Variants in VPS13B observed in about 807,000 individuals in gnomAD.
The protein encoded by VPS13B is intermembrane lipid transfer protein VPS13B.
Under a neutral mutation model 426.4 loss-of-function variants are expected in VPS13B, and 285 were observed. The ratio of observed to expected loss-of-function variants is 0.67; its 90% CI spans 0.61 to 0.74. The LOEUF is 0.74. Ranked by LOEUF, VPS13B falls within the 30% of genes least tolerant of loss-of-function variation. The probability of loss-of-function intolerance (pLI) is 0.00; values close to 1 mark genes in which losing one functional copy is unlikely to be tolerated. For missense variants in VPS13B, 4,537 were observed against 4,782.6 expected (o/e 0.95, Z 1.51); for synonymous variants, 1,676 against 1,676.4 (o/e 1.00, Z 0.01).
At chr8:99,652,141 G>T (rs924020469) in intron 34 of VPS13B, among the ~76,000 whole-genome samples, 1 of 152,082 alleles carries the variant, frequency 6.6e-6, no homozygotes, top group African/African-American at 2.4e-5. Context: ...TTTTATAAAT[G>T]CCAAAGGTCT....
chr8:99,228,913 G>A (rs912358199), intron 17 of VPS13B, among the ~76,000 whole-genome samples: 2 of 152,158 alleles, frequency 1.3e-5, no homozygotes, highest in African/African-American at 2.4e-5. Flanking sequence ...GGGTGTGTGT[G>A]TCTGTGTGTG....
At chr8:99,096,211 T>A (rs1230210497) in intron 3 of VPS13B, 101 bp from the exon 4 acceptor site, 4 of 1,328,044 alleles carry the variant, frequency 3.0e-6, no homozygotes, top group Admixed American at 2.3e-5. Flanking sequence ...GTTGATCTTA[T>A]CTCCTGTAGC....
intron 58 of VPS13B, among the ~76,000 whole-genome samples, chr8:99,865,192 C>G (rs778212078): frequency 1.3e-5 from 2 of 152,192 alleles, no homozygotes; most frequent in African/African-American, 2.4e-5. Flanking sequence ...TTGGCATCAG[C>G]CTTGCCCACA....
Position 99,818,551 on chromosome 8 carries a change from T to A in VPS13B, c.8445+17T>A. Reference sequence around the variant, plus strand: ...CAACGAATGGTGAGTGCTTTCCCAATCCTAAAATATGGTATATGACTCTGA... The same window carrying A: ...CAACGAATGGTGAGTGCTTTCCCAAACCTAAAATATGGTATATGACTCTGA... On this transcript the variant is annotated intron_variant, in intron 46 of 61. Transcript: ENST00000357162. 1 of 1,613,214 alleles carries A rather than the reference T, an allele frequency of 6.2e-7. No individual in the cohort carries two copies. Among genetic ancestry groups the A allele is most frequent in the Non-Finnish European group, 8.5e-7 (1 of 1,179,210 alleles).
At position 99,652,387 on chromosome 8, in the gene VPS13B, A is replaced by G. The variant is rs1219617317; in HGVS notation, c.5909-8967A>G. 1.3e-5 allele frequency among the ~76,000 whole-genome samples: 2 copies of G among 152,180 alleles called. 1 individual carries two copies. ...CGAAGTTCTTAGCTAAGTGTATGGC[A>G]CAAGGCTCAATGACTATTAATAAAT... On this transcript the variant is annotated intron_variant, in intron 34 of 61. Transcript: ENST00000357162.
chr8:99,853,379 C>T, intron 55 of VPS13B, 72 bp from the exon 56 acceptor site: 1 of 1,520,222 alleles, frequency 6.6e-7, no homozygotes, highest in Non-Finnish European at 9.1e-7. Context: ...AGGGTACTGT[C>T]AATAAAAAAG....
At chr8:99,413,586 C>G (rs149705178) in intron 21 of VPS13B, among the ~76,000 whole-genome samples, 56 of 152,264 alleles carry the variant, frequency 3.7e-4, no homozygotes, top group African/African-American at 1.3e-3. Flanking sequence ...AAATTTCCCT[C>G]TAAACACTGC....
At chr8:99,653,509 G>C (rs1483076729) in intron 34 of VPS13B, among the ~76,000 whole-genome samples, 1 of 140,056 alleles carries the variant, frequency 7.1e-6, no homozygotes, top group Non-Finnish European at 1.5e-5. Flanking sequence ...GTGCTTACTT[G>C]TGCTGAATTT....
At chr8:99,765,912 C>T (rs532167676) in intron 39 of VPS13B, among the ~76,000 whole-genome samples, 102 of 152,014 alleles carry the variant, frequency 6.7e-4, no homozygotes, top group Non-Finnish European at 1.3e-3. Flanking sequence ...CTTACACTTT[C>T]ACTTCTTAGC....
chr8:99,637,899 T>C (rs772424182), intron 33 of VPS13B, among the ~76,000 whole-genome samples: 1 of 152,136 alleles, frequency 6.6e-6, no homozygotes, highest in African/African-American at 2.4e-5. Flanking sequence ...TGATTGGAGT[T>C]TGCCATGGAA....
At chr8:99,661,955 T>A (rs1830244878) in intron 35 of VPS13B, among the ~76,000 whole-genome samples, 1 of 152,192 alleles carries the variant, frequency 6.6e-6, no homozygotes, top group Non-Finnish European at 1.5e-5. Flanking sequence ...CTTAGCAAAG[T>A]GCTTGAAACA....
At chr8:99,722,508 C>CTT (rs796198914) in intron 39 of VPS13B, among the ~76,000 whole-genome samples, 21 of 138,962 alleles carry the variant, frequency 1.5e-4, no homozygotes, top group Admixed American at 2.2e-4. Context: ...TATGTAATTC[C>CTT]TTTTTTTTTT....
intron 56 of VPS13B, 117 bp downstream of exon 56, chr8:99,854,373 G>A (rs934379962): frequency 3.3e-5 from 37 of 1,121,764 alleles, no homozygotes; most frequent in Non-Finnish European, 4.5e-5. Context: ...TGACACACCT[G>A]AGCTCTACAG....
chr8:99,875,237 C>T, intron 61 of VPS13B, 181 bp from the exon 62 acceptor site: 1 of 848,112 alleles, frequency 1.2e-6, no homozygotes, highest in Non-Finnish European at 1.9e-6. Flanking sequence ...AGTTATACTG[C>T]TAAAACTGCA....
chr8:99,142,882 T>C, intron 12 of VPS13B, 92 bp from the exon 13 acceptor site: 7 of 1,370,352 alleles, frequency 5.1e-6, no homozygotes, highest in Non-Finnish European at 7.0e-6. Flanking sequence ...GGCATTAAGC[T>C]ACAAGCTATA....
intron 15 of VPS13B, among the ~76,000 whole-genome samples, chr8:99,161,115 T>G (rs1010114437): frequency 1.3e-5 from 2 of 152,226 alleles, no homozygotes; most frequent in Non-Finnish European, 2.9e-5. Context: ...AAATGTACTT[T>G]ATACTTTACA....
chr8:99,669,123 T>G (rs962370930), intron 35 of VPS13B, among the ~76,000 whole-genome samples: 1 of 152,174 alleles, frequency 6.6e-6, no homozygotes, highest in African/African-American at 2.4e-5. Flanking sequence ...CGTCTTATAT[T>G]GAAAAATCAA....
intron 54 of VPS13B, among the ~76,000 whole-genome samples, chr8:99,843,454 C>T (rs1456721024): frequency 1.3e-5 from 2 of 152,182 alleles, no homozygotes; most frequent in Non-Finnish European, 2.9e-5. Flanking sequence ...CACTCCATCA[C>T]CCTTGAAGTC....
At chr8:99,551,618 G>T (rs1243709447) in intron 30 of VPS13B, among the ~76,000 whole-genome samples, 2 of 151,718 alleles carry the variant, frequency 1.3e-5, no homozygotes, top group African/African-American at 2.4e-5. Flanking sequence ...TATTTTAGTG[G>T]CTACTCTGGC....
Sources: allele counts gnomAD v4.1 joint callset (sites outside exome capture counted in the v4.1 genomes callset), GRCh38; gene constraint gnomAD v4.1.1; transcripts MANE v1.5; gene names NCBI Gene and HGNC (gene_info 2026-07-23, HGNC 2026-07-21).